The following UNC5D variants were observed in gnomAD, a reference collection of about 807,000 sequenced individuals.
The protein encoded by UNC5D is unc-5 netrin receptor D.
A neutral mutation model predicts 105.4 loss-of-function variants in UNC5D; 39 were observed. That is an observed-to-expected ratio of 0.37 (90% confidence interval 0.29 to 0.48). UNC5D has a LOEUF of 0.48. Ranked by LOEUF, UNC5D falls within the 20% of genes least tolerant of loss-of-function variation. The probability of loss-of-function intolerance (pLI) is 0.98; values close to 1 mark genes in which losing one functional copy is unlikely to be tolerated. For missense variants in UNC5D, 991 were observed against 1,202.4 expected, an observed-to-expected ratio of 0.82 and a Z score of 2.60; for synonymous variants, 452 against 450.4, an observed-to-expected ratio of 1.00 and a Z score of -0.04.
rs140563598 is a variant in UNC5D, at chr8:35,333,379, G to T, written c.103+97492G>T. Among the ~76,000 whole-genome samples the T allele has an allele frequency of 4.6e-5, 7 of 152,212 alleles. No individual in the cohort carries two copies. The East Asian group carries it at 1.2e-3, about 25-fold the overall frequency. ...TTTAGCCCTTTAAATCCCTTAATTA[G>T]ATAGGCCCCTTCCAAATCCTGATTT... is the stretch of plus-strand genomic sequence containing the variant. On this transcript the variant is annotated intron_variant, in intron 1 of 16. Coordinates refer to ENST00000404895, the MANE Select transcript of UNC5D (RefSeq NM_080872.4).
At chr8:35,474,322 G>T (rs753963251) in intron 1 of UNC5D, among the ~76,000 whole-genome samples, 12 of 151,990 alleles carry the variant, frequency 7.9e-5, no homozygotes, top group Non-Finnish European at 1.0e-4. Flanking sequence ...GTTCCTTTTT[G>T]TTTGATACTG....
rs752599540 is a variant in UNC5D at position 35,300,446 on chromosome 8, C to CAAAAAAAA, written c.103+64600_103+64607dup. ...TGGGCAACAGAGAGAGACTCCCTCTCAAAAAAAAAAAAAAAAAAAAAAAAA... is the reference window on the plus strand; with the variant it reads ...TGGGCAACAGAGAGAGACTCCCTCTCAAAAAAAAAAAAAAAAAAAAAAAAAAAAAAAAA... On this transcript the variant is annotated intron_variant, in intron 1 of 16. Coordinates refer to ENST00000404895, the MANE Select transcript of UNC5D (RefSeq NM_080872.4). 2.6e-4 allele frequency among the ~76,000 whole-genome samples: 15 copies of CAAAAAAAA among 58,398 alleles called. 2 individuals carry two copies. Among genetic ancestry groups the CAAAAAAAA allele is most frequent in the African/African-American group, 5.1e-4 (8 of 15,602 alleles). The allele number at this position is 58,398 out of a possible 152,430, so 38.3% of individuals were successfully genotyped here.
chr8:35,282,695 CA>C (rs1237508850), intron 1 of UNC5D, among the ~76,000 whole-genome samples: 4 of 108,476 alleles, frequency 3.7e-5, no homozygotes, highest in Non-Finnish European at 5.5e-5. Flanking sequence ...GCTTAACTAA[CA>C]AGTTATTAAA....
intron 7 of UNC5D, among the ~76,000 whole-genome samples, chr8:35,702,895 A>C (rs1433575421): frequency 6.6e-6 from 1 of 152,132 alleles, no homozygotes; most frequent in African/African-American, 2.4e-5. Context: ...GGAACTTAGC[A>C]TAACAAGTCC....
intron 1 of UNC5D, among the ~76,000 whole-genome samples, chr8:35,487,593 A>ACACACACACACC (rs1415748793): frequency 4.0e-5 from 6 of 150,472 alleles, no homozygotes; most frequent in African/African-American, 1.5e-4. Context: ...ACACACACAC[A>ACACACACACACC]CCCCACAGAC....
intron 7 of UNC5D, among the ~76,000 whole-genome samples, chr8:35,698,252 T>C (rs527347338): frequency 1.3e-5 from 2 of 149,708 alleles, no homozygotes; most frequent in South Asian, 2.1e-4. Context: ...TTTTTTTTTT[T>C]AGTCCATGTG....
chr8:35,658,762 C>T (rs1823933229), intron 4 of UNC5D, among the ~76,000 whole-genome samples: 1 of 151,774 alleles, frequency 6.6e-6, no homozygotes, highest in Non-Finnish European at 1.5e-5. Flanking sequence ...CGCCATTCTC[C>T]CACCTCAGCC....
At position 35,568,150 on chromosome 8, in the gene UNC5D, C is replaced by T. The variant is rs769885844; in HGVS notation, c.375C>T (p.Asp125=). 6.2e-7 allele frequency: 1 copy of T among 1,614,190 alleles called. No homozygotes were observed. Residue 125 remains aspartate (D), a synonymous_variant, in exon 3 of 17, where the codon GAC becomes GAT. Transcript: ENST00000404895. The stretch of plus-strand genomic sequence containing the variant: ...ATGTTACTAGGCAACAGGTGGAGGA[C>T]TTCCATGGGCCCGAGGACTATTGGT... ...FINVTRQQVE[D]FHGPEDYWCQ... is the part of the protein sequence containing the mutation.
At chr8:35,609,943 A>G (rs1348204422) in intron 4 of UNC5D, among the ~76,000 whole-genome samples, 2 of 152,190 alleles carry the variant, frequency 1.3e-5, no homozygotes. Context: ...CTGTTATCAC[A>G]AGACATATAC....
At chr8:35,571,606 G>GA (rs1817729299) in intron 3 of UNC5D, among the ~76,000 whole-genome samples, 1 of 152,132 alleles carries the variant, frequency 6.6e-6, no homozygotes, top group South Asian at 2.1e-4. Context: ...GCAGGGAAAA[G>GA]AAAAAATCCA....
At chr8:35,685,373 C>T (rs531496578) in intron 6 of UNC5D, among the ~76,000 whole-genome samples, 5 of 152,036 alleles carry the variant, frequency 3.3e-5, no homozygotes, top group Admixed American at 6.6e-5. Context: ...ATTTATACAA[C>T]GATAAATAGA....
At chr8:35,546,069 A>T (rs1344313222) in intron 1 of UNC5D, among the ~76,000 whole-genome samples, 1 of 151,776 alleles carries the variant, frequency 6.6e-6, no homozygotes, top group East Asian at 1.9e-4. Context: ...TTATTTTTAA[A>T]TTTTTTTGCA....
intron 4 of UNC5D, among the ~76,000 whole-genome samples, chr8:35,607,212 T>C (rs542280919): frequency 4.6e-5 from 7 of 152,298 alleles, no homozygotes; most frequent in East Asian, 3.9e-4. Flanking sequence ...GAACAAAATA[T>C]AGATGTATCA....
chr8:35,313,217 C>A (rs575072219), intron 1 of UNC5D, among the ~76,000 whole-genome samples: 7 of 152,284 alleles, frequency 4.6e-5, no homozygotes, highest in African/African-American at 1.7e-4. Flanking sequence ...AAATATGATG[C>A]ATCTATCCAA....
chr8:35,371,697 G>T (rs2128925373), intron 1 of UNC5D, among the ~76,000 whole-genome samples: 1 of 152,008 alleles, frequency 6.6e-6, no homozygotes, highest in Middle Eastern at 3.4e-3. Flanking sequence ...AACTCTCATA[G>T]TCTGTTTCTC....
At chr8:35,493,912 CAT>C (rs2130140784) in intron 1 of UNC5D, among the ~76,000 whole-genome samples, 1 of 152,096 alleles carries the variant, frequency 6.6e-6, no homozygotes, top group Admixed American at 6.5e-5. Flanking sequence ...GCAAAGGAAA[CAT>C]ATATGAAAAC....
At chr8:35,600,093 G>A (rs990519532) in intron 4 of UNC5D, among the ~76,000 whole-genome samples, 4 of 152,024 alleles carry the variant, frequency 2.6e-5, no homozygotes, top group African/African-American at 9.7e-5. Flanking sequence ...GAGAATGATG[G>A]TTTCCAGCTT....
chr8:35,578,956 C>T (rs1818293684), intron 3 of UNC5D, among the ~76,000 whole-genome samples: 1 of 152,112 alleles, frequency 6.6e-6, no homozygotes, highest in South Asian at 2.1e-4. Context: ...ATAGCTACCA[C>T]CTTTGAAGGA....
intron 1 of UNC5D, among the ~76,000 whole-genome samples, chr8:35,371,100 C>G (rs781462990): frequency 6.6e-6 from 1 of 151,848 alleles, no homozygotes; most frequent in Non-Finnish European, 1.5e-5. Flanking sequence ...TTAGTCGTAG[C>G]TACTTGGGAG....
Sources: gnomAD v4.1 joint callset for allele counts (sites outside exome capture counted in the v4.1 genomes callset) on GRCh38, gnomAD v4.1.1 for gene constraint, MANE v1.5 for transcripts, NCBI Gene and HGNC (gene_info 2026-07-23, HGNC 2026-07-21) for gene names.